The following SPARCL1 variants were observed in gnomAD, a reference collection of about 807,000 sequenced individuals.
SPARCL1 encodes SPARC like 1, also known as SPARC-like protein 1.
SPARCL1 carries 52 observed loss-of-function variants against 67.1 expected under a neutral mutation model. That is an observed-to-expected ratio of 0.78 (90% confidence interval 0.62 to 0.98). The LOEUF (loss-of-function observed/expected upper bound fraction) is 0.98, where lower values mean the gene tolerates loss of function less well. Among genes scored for constraint, SPARCL1 ranks in the 50% least tolerant of loss-of-function variants. SPARCL1 has a pLI of 0.00. For synonymous variants in SPARCL1, 226 were observed against 267.8 expected, an observed-to-expected ratio of 0.84 and a Z score of 1.52; for missense variants, 717 against 782.4, an observed-to-expected ratio of 0.92 and a Z score of 1.00.
intron 1 of SPARCL1, among the ~76,000 whole-genome samples, chr4:87,503,787 T>C (rs532280691): frequency 2.6e-5 from 4 of 151,490 alleles, no homozygotes; most frequent in Admixed American, 2.6e-4. Flanking sequence ...CAAGTGATTC[T>C]CATGCCTCAG....
intron 2 of SPARCL1, among the ~76,000 whole-genome samples, chr4:87,498,264 ACT>A (rs1223614478): frequency 6.6e-6 from 1 of 152,052 alleles, no homozygotes; most frequent in Non-Finnish European, 1.5e-5. Context: ...GTGGGTATAA[ACT>A]CTGTCTTCCA....
At chr4:87,496,636 A>G (rs1219952398) in intron 2 of SPARCL1, among the ~76,000 whole-genome samples, 2 of 152,206 alleles carry the variant, frequency 1.3e-5, no homozygotes, top group African/African-American at 4.8e-5. Flanking sequence ...GAGTTGCCCA[A>G]CTGAAAATTA....
chr4:87,523,432 A>G, intron 1 of SPARCL1, among the ~76,000 whole-genome samples: 1 of 152,244 alleles, frequency 6.6e-6, no homozygotes, highest in Admixed American at 6.5e-5. Flanking sequence ...CCACACTTAC[A>G]GTTTCAAGTG....
intron 1 of SPARCL1, among the ~76,000 whole-genome samples, chr4:87,516,112 C>T (rs1261601905): frequency 6.6e-6 from 1 of 152,152 alleles, no homozygotes; most frequent in Non-Finnish European, 1.5e-5. Context: ...GAGCCTTGAG[C>T]CATTTTCTGA....
At chr4:87,527,964 TA>T (rs543336317) in intron 1 of SPARCL1, among the ~76,000 whole-genome samples, 1,508 of 141,688 alleles carry the variant, frequency 0.011, 18 homozygotes, top group African/African-American at 0.025. Flanking sequence ...AAGGGGAGAA[TA>T]AAAAAAAAAA....
intron 1 of SPARCL1, among the ~76,000 whole-genome samples, chr4:87,522,683 GCA>G (rs146948007): frequency 0.021 from 2,180 of 102,576 alleles, 43 homozygotes; most frequent in African/African-American, 0.071. Flanking sequence ...ACACACACAC[GCA>G]CACACACAGA....
chr4:87,474,420 G>T (rs1252300690), intron 10 of SPARCL1, among the ~76,000 whole-genome samples: 3 of 151,670 alleles, frequency 2.0e-5, no homozygotes, highest in Admixed American at 2.0e-4. Context: ...TTGAGTACTG[G>T]CTTCATATGT....
At chr4:87,481,474 C>T (rs1723820544) in intron 8 of SPARCL1, among the ~76,000 whole-genome samples, 1 of 152,182 alleles carries the variant, frequency 6.6e-6, no homozygotes, top group African/African-American at 2.4e-5. Flanking sequence ...TGCATCCATT[C>T]CTCCTAGTCT....
At chr4:87,497,145 G>C in intron 2 of SPARCL1, 1 of 928,038 alleles carries the variant, frequency 1.1e-6, no homozygotes, top group Non-Finnish European at 1.3e-6. Context: ...GCCTCCCAAA[G>C]TGCTGGGATT....
chr4:87,485,140 T>C (rs1409436144), intron 7 of SPARCL1, among the ~76,000 whole-genome samples: 2 of 152,134 alleles, frequency 1.3e-5, no homozygotes, highest in African/African-American at 4.8e-5. Flanking sequence ...CCTTGTCTTG[T>C]GCTGGTTTTC....
chr4:87,498,828 A>G (rs140487288), intron 2 of SPARCL1, among the ~76,000 whole-genome samples: 3 of 151,672 alleles, frequency 2.0e-5, no homozygotes, highest in African/African-American at 7.3e-5. Context: ...GCCAGCATCT[A>G]TTTGATCTTG....
intron 6 of SPARCL1, 121 bp from the exon 7 acceptor site, chr4:87,490,514 G>T: frequency 8.5e-7 from 1 of 1,183,128 alleles, no homozygotes; most frequent in Non-Finnish European, 1.2e-6. Context: ...AGGTAGGTGA[G>T]ACTATTAAAA....
At chr4:87,488,644 C>T (rs1724175575) in intron 7 of SPARCL1, among the ~76,000 whole-genome samples, 1 of 152,238 alleles carries the variant, frequency 6.6e-6, no homozygotes, top group Non-Finnish European at 1.5e-5. Context: ...CTGCTGCTCT[C>T]TTCAGAGCTG....
intron 1 of SPARCL1, among the ~76,000 whole-genome samples, chr4:87,521,004 A>G (rs1263532135): frequency 6.6e-6 from 1 of 152,234 alleles, no homozygotes; most frequent in Non-Finnish European, 1.5e-5. Flanking sequence ...TAGGGAACCT[A>G]CACAAACGAC....
At chr4:87,520,219 C>T (rs1007529425) in intron 1 of SPARCL1, among the ~76,000 whole-genome samples, 2 of 129,950 alleles carry the variant, frequency 1.5e-5, no homozygotes, top group Non-Finnish European at 3.0e-5. Flanking sequence ...TGTACTCTAG[C>T]CTGGGTGACA....
intron 1 of SPARCL1, among the ~76,000 whole-genome samples, chr4:87,516,243 C>T (rs1426153603): frequency 6.6e-6 from 1 of 152,170 alleles, no homozygotes; most frequent in Non-Finnish European, 1.5e-5. Flanking sequence ...CAGCTCATCT[C>T]CTAGCTGAGT....
At chr4:87,493,032 A>C (rs1483085251) in intron 4 of SPARCL1, among the ~76,000 whole-genome samples, 2 of 152,366 alleles carry the variant, frequency 1.3e-5, no homozygotes, top group East Asian at 1.9e-4. Context: ...TTAGAGCAGC[A>C]GTTGCCAGTA....
intron 1 of SPARCL1, among the ~76,000 whole-genome samples, chr4:87,511,065 C>T (rs562997429): frequency 1.4e-4 from 21 of 152,330 alleles, no homozygotes; most frequent in African/African-American, 5.0e-4. Context: ...GGCACCCCTG[C>T]CGCGAGTTCC....
Position 87,474,731 on chromosome 4 carries a change from T to TTCTC in SPARCL1, c.1967-932_1967-929dup, listed in dbSNP as rs200674012. Among the ~76,000 whole-genome samples, 7 of 133,690 alleles carry TTCTC rather than the reference T, an allele frequency of 5.2e-5. No homozygotes were observed. In the East Asian group the frequency reaches 1.4e-3, roughly 27 times the overall value. The allele number at this position is 133,690 out of a possible 152,430, so 87.7% of individuals were successfully genotyped here. ...ATTTATGTAGACCATCTGTAAAGAT[T>TTCTC]TCTCTCTCTCTCTTTTTTTTTTTTT... On this transcript the variant is annotated intron_variant, in intron 10 of 10. Coordinates refer to ENST00000282470, the MANE Select transcript of SPARCL1 (RefSeq NM_004684.6).
Sources: gnomAD v4.1 joint callset for allele counts (sites outside exome capture counted in the v4.1 genomes callset) on GRCh38, gnomAD v4.1.1 for gene constraint, MANE v1.5 for transcripts, NCBI Gene and HGNC (gene_info 2026-07-23, HGNC 2026-07-21) for gene names.